The following HIBCH variants were observed in gnomAD, a reference collection of about 807,000 sequenced individuals.
HIBCH encodes the protein 3-hydroxyisobutyryl-CoA hydrolase, also known as 3-hydroxyisobutyryl-CoA hydrolase, mitochondrial.
HIBCH carries 50 observed loss-of-function variants against 58.2 expected under a neutral mutation model. That is an observed-to-expected ratio of 0.86 (90% confidence interval 0.68 to 1.09). The LOEUF (loss-of-function observed/expected upper bound fraction) is 1.09. HIBCH is among the 50% of genes least tolerant of loss of function. The probability of loss-of-function intolerance (pLI) is 0.00; values close to 1 mark genes in which losing one functional copy is unlikely to be tolerated. For synonymous variants in HIBCH, 151 were observed against 146.9 expected, an observed-to-expected ratio of 1.03 and a Z score of -0.20; for missense variants, 450 against 449.7, an observed-to-expected ratio of 1.00 and a Z score of -0.01.
intron 6 of HIBCH, among the ~76,000 whole-genome samples, chr2:190,283,011 T>C (rs1687744350): frequency 1.3e-5 from 2 of 152,140 alleles, no homozygotes; most frequent in Non-Finnish European, 2.9e-5. Context: ...GTAGTGTAAG[T>C]TGAGCATCCT....
intron 11 of HIBCH, among the ~76,000 whole-genome samples, chr2:190,224,088 C>G (rs113965358): frequency 6.6e-6 from 1 of 152,302 alleles, no homozygotes; most frequent in East Asian, 1.9e-4. Flanking sequence ...TCTTAGCAAA[C>G]GGCACACCAG....
At chr2:190,317,375 G>C (rs913231122) in intron 1 of HIBCH, among the ~76,000 whole-genome samples, 1 of 152,144 alleles carries the variant, frequency 6.6e-6, no homozygotes, top group Non-Finnish European at 1.5e-5. Context: ...CCTACATAAG[G>C]AACAGTAGGA....
chr2:190,208,053 G>A (rs1226272803), intron 13 of HIBCH, among the ~76,000 whole-genome samples: 6 of 152,282 alleles, frequency 3.9e-5, no homozygotes, highest in Middle Eastern at 6.8e-3. Context: ...TGCATAAAAA[G>A]GAATTGTTGC....
chr2:190,236,159 A>C lies in HIBCH; in HGVS notation c.891+8728T>G, dbSNP rs1686267985. Among the ~76,000 whole-genome samples the C allele has an allele frequency of 6.6e-6, 1 of 152,156 alleles. No individual in the cohort carries two copies. Among genetic ancestry groups the C allele is most frequent in the South Asian group, 2.1e-4 (1 of 4,826 alleles). On this transcript the variant is annotated intron_variant, in intron 11 of 13. Coordinates refer to ENST00000359678, the MANE Select transcript of HIBCH (RefSeq NM_014362.4). The surrounding 1 kb of genome is among the most constrained non-coding windows in gnomAD (Gnocchi z 4.1). ...ACCTTCATGGAGTAACTGCCATTTT[A>C]AGGTATTTTACAATATTGCCACTGA...
intron 5 of HIBCH, among the ~76,000 whole-genome samples, chr2:190,288,780 A>G (rs760835183): frequency 1.1e-4 from 16 of 152,198 alleles, no homozygotes; most frequent in Non-Finnish European, 2.4e-4. Flanking sequence ...TTTGCTGTAT[A>G]AAATATGATA....
chr2:190,310,022 G>A lies in HIBCH; in HGVS notation c.78+732C>T, dbSNP rs143760211. ...CACCATCTAATCAGCTTCCAGAGTG[G>A]CTAGAATAAAAGCAGGCAGAAGTTG... is the stretch of plus-strand genomic sequence containing the variant. On this transcript the variant is annotated intron_variant, in intron 2 of 13. Transcript: ENST00000359678. Among the ~76,000 whole-genome samples, 7 of 152,278 alleles carry A rather than the reference G, an allele frequency of 4.6e-5. No individual in the cohort carries two copies. The East Asian group carries it at 1.3e-3, about 29-fold the overall frequency.
intron 1 of HIBCH, among the ~76,000 whole-genome samples, chr2:190,193,486 T>C (rs1472129986): frequency 6.6e-6 from 1 of 152,184 alleles, no homozygotes; most frequent in African/African-American, 2.4e-5. Flanking sequence ...CTGGTATTAC[T>C]TCCTCGTAAT....
chr2:190,275,584 A>G (rs1394171636), intron 6 of HIBCH, among the ~76,000 whole-genome samples: 1 of 152,230 alleles, frequency 6.6e-6, no homozygotes, highest in African/African-American at 2.4e-5. Flanking sequence ...GCAAGAACAA[A>G]TATCAAATTT....
intron 7 of HIBCH, among the ~76,000 whole-genome samples, chr2:190,259,555 C>T (rs1401176342): frequency 1.3e-5 from 2 of 152,046 alleles, no homozygotes; most frequent in South Asian, 2.1e-4. Context: ...GATGTCGTTT[C>T]GCCATACAGA....
chr2:190,212,183 G>A lies in HIBCH; in HGVS notation c.1011+773C>T, dbSNP rs1328450866. The stretch of plus-strand genomic sequence containing the variant: ...TACCTGCACATAATAAACAATAGAC[G>A]TCAGCTGCCATTTACATCCCTCAAG... On this transcript the variant is annotated intron_variant, in intron 12 of 13. Coordinates refer to ENST00000359678, the MANE Select transcript of HIBCH (RefSeq NM_014362.4). Among the ~76,000 whole-genome samples the A allele has an allele frequency of 3.9e-5, 6 of 152,238 alleles. No homozygotes were observed. In the East Asian group the frequency reaches 7.7e-4, roughly 20 times the overall value.
intron 6 of HIBCH, among the ~76,000 whole-genome samples, chr2:190,278,059 A>G (rs892058257): frequency 6.6e-6 from 1 of 152,358 alleles, no homozygotes; most frequent in Non-Finnish European, 1.5e-5. Flanking sequence ...GGCTTTCTGA[A>G]TAACAAACTG....
intron 11 of HIBCH, among the ~76,000 whole-genome samples, chr2:190,232,095 T>C (rs926800427): frequency 4.6e-5 from 7 of 152,094 alleles, no homozygotes; most frequent in Non-Finnish European, 8.8e-5. Flanking sequence ...CTTGGGAGGC[T>C]GAGGCAGGAG....
rs1322498400 is a variant in HIBCH, at chr2:190,205,250, A to C, written c.1046-18T>G. 2 of 1,269,028 alleles carry C rather than the reference A, an allele frequency of 1.6e-6. No individual in the cohort carries two copies. The highest frequency in any genetic ancestry group is 2.3e-6 in the Non-Finnish European group (2 of 867,648). The allele number at this position is 1,269,028 out of a possible 1,614,324, so 78.6% of individuals were successfully genotyped here. On this transcript the variant is annotated intron_variant, in intron 13 of 13. Coordinates refer to ENST00000359678, the MANE Select transcript of HIBCH (RefSeq NM_014362.4). ...AATTAAAACTGTCAAGAGAAGATAC[A>C]AATGTTAATACCATTATTTTTGTCT...
Position 190,205,149 on chromosome 2 carries a change from TA to T in HIBCH, c.1128del (p.Phe376LeufsTer9), listed in dbSNP as rs863225062. ...TTCAAATCACTGCTTCCCAAAGACT[TA>T]AAGTGATTATTCAAATCTTCCTCAG... Reference protein sequence around the residue: ...EVTEEDLNNHFKSLGSSDLKF With the variant: ...EVTEEDLNNHXKSLGSSDLKF On this transcript the variant is annotated frameshift_variant, in exon 14 of 14. Coordinates refer to ENST00000359678, the MANE Select transcript of HIBCH (RefSeq NM_014362.4). LOFTEE classifies it high-confidence loss of function. The T allele has an allele frequency of 6.2e-7, 1 of 1,607,836 alleles. No homozygotes were observed. The highest frequency in any genetic ancestry group is 1.3e-5 in the African/African-American group (1 of 74,796).
Position 190,211,197 on chromosome 2 carries a change from C to T in HIBCH, c.1011+1759G>A, listed in dbSNP as rs565907967. On this transcript the variant is annotated intron_variant, in intron 12 of 13. Coordinates refer to ENST00000359678, the MANE Select transcript of HIBCH (RefSeq NM_014362.4). The surrounding 1 kb of genome is among the most constrained non-coding windows in gnomAD (Gnocchi z 5.0). Reference sequence around the variant, plus strand: ...GTAAGCACTCTTGTTTAGTAAATAACGAATCCCCAAGGTTTTCTTAATTGC... The same window carrying T: ...GTAAGCACTCTTGTTTAGTAAATAATGAATCCCCAAGGTTTTCTTAATTGC... 3.3e-5 allele frequency among the ~76,000 whole-genome samples: 5 copies of T among 152,154 alleles called. No homozygotes were observed. In the South Asian group the frequency reaches 8.3e-4, roughly 25 times the overall value.
Position 190,205,105 on chromosome 2 carries a change from A to T in HIBCH, c.*12T>A. On this transcript the variant is annotated 3_prime_UTR_variant, in exon 14 of 14. Transcript: ENST00000359678. Reference sequence around the variant, plus strand: ...ACCCATGCTACAAAATATACCTTAAAAGCCTGTCACCTCAAAATTTCAAAT... The same window carrying T: ...ACCCATGCTACAAAATATACCTTAATAGCCTGTCACCTCAAAATTTCAAAT... 1 of 1,468,122 alleles carries T rather than the reference A, an allele frequency of 6.8e-7. No individual in the cohort carries two copies. The highest frequency in any genetic ancestry group is 9.5e-7 in the Non-Finnish European group (1 of 1,049,748). 90.9% of individuals were successfully genotyped at this position (1,468,122 alleles called of 1,614,324 possible).
chr2:190,250,266 G>A (rs764422910), intron 8 of HIBCH: 12 of 392,592 alleles, frequency 3.1e-5, no homozygotes, highest in Non-Finnish European at 5.2e-5. Context: ...TCACCTTAAG[G>A]CCGGCTGTAC....
At position 190,317,996 on chromosome 2, in the gene HIBCH, T is replaced by C. The variant is rs1020815987; in HGVS notation, c.35+1720A>G. On this transcript the variant is annotated intron_variant, in intron 1 of 13. Transcript: ENST00000359678. ...CTGCCACCACACCCAGCTAATTTTT[T>C]TGTATTTTTAGTAGAGACGGGGTTT... Among the ~76,000 whole-genome samples, 5 of 151,832 alleles carry C rather than the reference T, an allele frequency of 3.3e-5. No individual in the cohort carries two copies. In the East Asian group the frequency reaches 9.7e-4, roughly 29 times the overall value.
chr2:190,285,029 T>C (rs758614193), intron 6 of HIBCH, among the ~76,000 whole-genome samples: 2 of 152,164 alleles, frequency 1.3e-5, no homozygotes, highest in Admixed American at 6.5e-5. Context: ...TTTTCATCAC[T>C]TATATATTTT....
Sources: allele counts gnomAD v4.1 joint callset (sites outside exome capture counted in the v4.1 genomes callset), GRCh38; gene constraint gnomAD v4.1.1; non-coding constraint Gnocchi (gnomAD v3.1); transcripts MANE v1.5; gene names NCBI Gene and HGNC (gene_info 2026-07-23, HGNC 2026-07-21).